Variants in ANKHD1 observed in about 807,000 individuals in gnomAD.
ANKHD1 encodes ankyrin repeat and KH domain containing 1.
A neutral mutation model predicts 230.5 loss-of-function variants in ANKHD1; 31 were observed. That is an observed-to-expected ratio of 0.13 (90% CI 0.10 to 0.18). The LOEUF (loss-of-function observed/expected upper bound fraction) is 0.18, where lower values mean the gene tolerates loss of function less well. ANKHD1 is among the 10% of genes least tolerant of loss of function. The pLI is 1.00. For synonymous variants in ANKHD1, 1,074 were observed against 1,117.6 expected, an observed-to-expected ratio of 0.96 and a Z score of 0.78; for missense variants, 2,256 against 3,071.3, an observed-to-expected ratio of 0.73 and a Z score of 6.27.
At chr5:140,530,976 A>C (rs1753786639) in intron 29 of ANKHD1, among the ~76,000 whole-genome samples, 1 of 152,262 alleles carries the variant, frequency 6.6e-6, no homozygotes, top group African/African-American at 2.4e-5. Context: ...TTGTATTTCA[A>C]ATAGAAATAG....
chr5:140,532,620 A>G (rs766057544), intron 29 of ANKHD1, among the ~76,000 whole-genome samples: 2 of 152,142 alleles, frequency 1.3e-5, no homozygotes, highest in East Asian at 1.9e-4. Context: ...TCTTTTTAGG[A>G]TAACAGAAAT....
Position 140,527,799 on chromosome 5 carries a change from A to C in ANKHD1, c.5088-74A>C. On this transcript the variant is annotated intron_variant, in intron 27 of 33. Coordinates refer to ENST00000360839, the MANE Select transcript of ANKHD1 (RefSeq NM_017747.3). The surrounding 1 kb of genome is among the most constrained non-coding windows in gnomAD (Gnocchi z 4.5). ...GTTATTCTCCAAAATGTCCATGAAC[A>C]TACTTACTAAGACATCTTTCTTAAT... 3 of 1,473,698 alleles carry C rather than the reference A, an allele frequency of 2.0e-6. No homozygotes were observed. The South Asian group carries it at 4.5e-5, about 22-fold the overall frequency. The allele number at this position is 1,473,698 out of a possible 1,614,324, so 91.3% of individuals were successfully genotyped here.
intron 1 of ANKHD1, among the ~76,000 whole-genome samples, chr5:140,402,697 C>G (rs994382014): frequency 2.0e-4 from 31 of 152,138 alleles, no homozygotes; most frequent in Non-Finnish European, 4.3e-4. Flanking sequence ...TTGAGGGATA[C>G]GTTTATTTGC....
At chr5:140,511,526 G>A (rs1752769822) in intron 22 of ANKHD1, among the ~76,000 whole-genome samples, 1 of 152,106 alleles carries the variant, frequency 6.6e-6, no homozygotes, top group South Asian at 2.1e-4. Flanking sequence ...TTTTATAGTT[G>A]AGTTTTGATT....
intron 22 of ANKHD1, among the ~76,000 whole-genome samples, chr5:140,512,405 T>A (rs529223851): frequency 1.3e-4 from 20 of 151,820 alleles, no homozygotes; most frequent in African/African-American, 3.6e-4. Context: ...CTTTGAAATT[T>A]AAAAAAAAAT....
In ANKHD1 at chr5:140,482,567, ATT is replaced by A. The variant is rs765011649; in HGVS notation, c.1783-11_1783-10del. On this transcript the variant is annotated splice_polypyrimidine_tract_variant and intron_variant, in intron 10 of 33. Coordinates refer to ENST00000360839, the MANE Select transcript of ANKHD1 (RefSeq NM_017747.3). ...TTGGCATTGATGGATTATTTTTTCC[ATT>A]TCTTTAACAGGAACATGAATCTGAA... is the stretch of plus-strand genomic sequence containing the variant. The A allele has an allele frequency of 7.5e-6, 12 of 1,608,480 alleles. No homozygotes were observed. The highest frequency in any genetic ancestry group is 1.0e-5 in the Non-Finnish European group (12 of 1,178,282).
chr5:140,479,850 G>A (rs1751187741), intron 10 of ANKHD1, among the ~76,000 whole-genome samples: 1 of 149,374 alleles, frequency 6.7e-6, no homozygotes, highest in South Asian at 2.1e-4. Flanking sequence ...GTATATAATG[G>A]GAACCAATAA....
chr5:140,437,290 AAAT>A, intron 2 of ANKHD1, among the ~76,000 whole-genome samples: 1 of 152,374 alleles, frequency 6.6e-6, no homozygotes, highest in Middle Eastern at 3.4e-3. Context: ...TCAGTATCAC[AAAT>A]AATGTTATAG....
intron 1 of ANKHD1, among the ~76,000 whole-genome samples, chr5:140,428,136 C>T (rs1356113721): frequency 2.6e-5 from 4 of 151,652 alleles, no homozygotes; most frequent in Non-Finnish European, 5.9e-5. Context: ...GGCAGAGACG[C>T]TCCTCACTTT....
rs1775531195 is a variant in ANKHD1, at chr5:140,459,257, T to C, written c.1574T>C (p.Ile525Thr). 6.2e-7 allele frequency: 1 copy of C among 1,603,974 alleles called. No individual in the cohort carries two copies. ...GGFSEVADFL[I>T]KAGADIELGC... ...TTTTCTGAAGTTGCAGACTTTCTTA[T>C]TAAGGCAGGGGCTGATATAGAACTT... is the stretch of plus-strand genomic sequence containing the variant. Residue 525 changes from isoleucine (I) to threonine (T), a missense_variant, in exon 9 of 34, where the codon ATT becomes ACT. Physicochemically the swap from Ile to Thr is moderately conservative, Grantham distance 89. Coordinates refer to ENST00000360839, the MANE Select transcript of ANKHD1 (RefSeq NM_017747.3).
intron 29 of ANKHD1, chr5:140,531,505 C>T (rs1411354521): frequency 5.6e-6 from 1 of 177,124 alleles, no homozygotes; most frequent in African/African-American, 2.4e-5. Context: ...CACTTGAACC[C>T]AGAAGATGGA....
chr5:140,433,058 C>T (rs1429264490), intron 1 of ANKHD1, among the ~76,000 whole-genome samples: 2 of 150,598 alleles, frequency 1.3e-5, no homozygotes, highest in Admixed American at 6.6e-5. Flanking sequence ...CCCCCTTCCC[C>T]CCCCCAAAAA....
Position 140,506,027 on chromosome 5 carries a change from T to C in ANKHD1, c.3408+158T>C, listed in dbSNP as rs1304797749. Among the ~76,000 whole-genome samples, 2 of 152,192 alleles carry C rather than the reference T, an allele frequency of 1.3e-5. No individual in the cohort carries two copies. The highest frequency in any genetic ancestry group is 1.5e-5 in the Non-Finnish European group (1 of 68,036). On this transcript the variant is annotated intron_variant, in intron 18 of 33. Coordinates refer to ENST00000360839, the MANE Select transcript of ANKHD1 (RefSeq NM_017747.3). The surrounding 1 kb of genome is among the most constrained non-coding windows in gnomAD (Gnocchi z 4.7). The stretch of plus-strand genomic sequence containing the variant: ...CTCTGTCTCCCAGGCTAGAGTACAG[T>C]GGTGCAATTACAGCTCGCTATAACC...
rs1447200488 is a variant in ANKHD1, at chr5:140,420,503, T to TTA, written c.307-15594_307-15593dup. 2.0e-5 allele frequency among the ~76,000 whole-genome samples: 3 copies of TTA among 152,330 alleles called. No individual in the cohort carries two copies. In the East Asian group the frequency reaches 5.8e-4, roughly 29 times the overall value. ...TCTCTGATCCAATTTGAGTTAATTT[T>TTA]TATATATAAGGCGTGAGGTAGAGGT... On this transcript the variant is annotated intron_variant, in intron 1 of 33. Coordinates refer to ENST00000360839, the MANE Select transcript of ANKHD1 (RefSeq NM_017747.3).
intron 6 of ANKHD1, among the ~76,000 whole-genome samples, chr5:140,448,603 G>A (rs745854942): frequency 1.3e-5 from 2 of 152,192 alleles, no homozygotes; most frequent in Non-Finnish European, 1.5e-5. Context: ...AAAACATGGT[G>A]TCTTGTTTTA....
chr5:140,488,780 A>G (rs1751624844), intron 14 of ANKHD1, among the ~76,000 whole-genome samples: 1 of 151,928 alleles, frequency 6.6e-6, no homozygotes, highest in Non-Finnish European at 1.5e-5. Context: ...CACACCTGTA[A>G]TTCCAGCTAC....
At chr5:140,403,434 A>G (rs1262920064) in intron 1 of ANKHD1, among the ~76,000 whole-genome samples, 1 of 151,452 alleles carries the variant, frequency 6.6e-6, no homozygotes, top group Non-Finnish European at 1.5e-5. Flanking sequence ...GTTTTTTGAG[A>G]TGGAGTTTCG....
chr5:140,435,063 G>A (rs577324917), intron 1 of ANKHD1, among the ~76,000 whole-genome samples: 13 of 152,278 alleles, frequency 8.5e-5, no homozygotes, highest in Non-Finnish European at 1.3e-4. Context: ...CAACAAGTAT[G>A]TATTAAATTC....
chr5:140,445,634 T>G (rs1443384614), intron 5 of ANKHD1, 108 bp from the exon 6 acceptor site: 50 of 1,044,590 alleles, frequency 4.8e-5, no homozygotes, highest in Non-Finnish European at 6.1e-5. Context: ...TAATCATAAT[T>G]GTATCTGTTC....
Sources: gnomAD v4.1 joint callset for allele counts (sites outside exome capture counted in the v4.1 genomes callset) on GRCh38, gnomAD v4.1.1 for gene constraint, Gnocchi (gnomAD v3.1) non-coding constraint, MANE v1.5 for transcripts, NCBI Gene and HGNC (gene_info 2026-07-23, HGNC 2026-07-21) for gene names.